PARVB: variants seen among roughly 807,000 people sequenced by gnomAD.
PARVB encodes parvin beta.
PARVB carries 46 observed loss-of-function variants against 47.0 expected under a neutral mutation model. That is an observed-to-expected ratio of 0.98 (90% confidence interval 0.77 to 1.25). The LOEUF is 1.25. PARVB is among the 50% of genes most tolerant of loss of function. The probability of loss-of-function intolerance (pLI) is 0.00; values close to 1 mark genes in which losing one functional copy is unlikely to be tolerated. For missense variants in PARVB, 473 were observed against 471.6 expected (o/e 1.00, Z -0.03); for synonymous variants, 196 against 196.3 (o/e 1.00, Z 0.01).
At chr22:44,164,408 G>GT (rs1433676453) in intron 12 of PARVB, among the ~76,000 whole-genome samples, 1 of 43,286 alleles carries the variant, frequency 2.3e-5, no homozygotes, top group Non-Finnish European at 4.0e-5. Context: ...TTGCTTCCCT[G>GT]TCCCCCCCCC....
chr22:44,017,100 C>T (rs1170750894), intron 2 of PARVB, among the ~76,000 whole-genome samples: 3 of 152,144 alleles, frequency 2.0e-5, no homozygotes, highest in African/African-American at 7.2e-5. Flanking sequence ...GTCTCGAACT[C>T]CTGACCTCTG....
At chr22:44,101,420 A>AAG in intron 3 of PARVB, among the ~76,000 whole-genome samples, 1 of 145,262 alleles carries the variant, frequency 6.9e-6, no homozygotes, top group African/African-American at 2.8e-5. Flanking sequence ...AAAAAAATAA[A>AAG]AAATAAAAAA....
intron 7 of PARVB, 197 bp from the exon 8 acceptor site, chr22:44,139,926 CA>C: frequency 2.7e-6 from 1 of 370,450 alleles, no homozygotes; most frequent in Non-Finnish European, 5.0e-6. Flanking sequence ...TAATAATTCA[CA>C]CAAGCACCTC....
intron 1 of PARVB, among the ~76,000 whole-genome samples, chr22:44,029,515 C>G (rs1603425153): frequency 6.6e-6 from 1 of 152,170 alleles, no homozygotes; most frequent in Non-Finnish European, 1.5e-5. Context: ...CTAGGCCAGA[C>G]ACATAATCCC....
chr22:44,002,440 G>A (rs192941056), intron 2 of PARVB, among the ~76,000 whole-genome samples: 5 of 152,322 alleles, frequency 3.3e-5, no homozygotes, highest in East Asian at 3.9e-4. Flanking sequence ...GGGTAGTCGA[G>A]CCTATCAGTA....
intron 3 of PARVB, among the ~76,000 whole-genome samples, chr22:44,117,453 A>C (rs1454001187): frequency 6.6e-6 from 1 of 152,104 alleles, no homozygotes; most frequent in Non-Finnish European, 1.5e-5. Flanking sequence ...CTCCCAGGCC[A>C]GTGCTCTCCC....
intron 2 of PARVB, among the ~76,000 whole-genome samples, chr22:44,015,605 G>C (rs2050568152): frequency 6.6e-6 from 1 of 152,188 alleles, no homozygotes; most frequent in African/African-American, 2.4e-5. Context: ...GATCACCTGA[G>C]GTCAGGAGTT....
At chr22:44,019,009 C>G (rs1485025294) in intron 2 of PARVB, among the ~76,000 whole-genome samples, 3 of 152,028 alleles carry the variant, frequency 2.0e-5, no homozygotes, top group East Asian at 3.9e-4. Flanking sequence ...CCTCCACCTC[C>G]AGGTTCAAGC....
chr22:44,003,889 T>C (rs2050437439), intron 2 of PARVB, among the ~76,000 whole-genome samples: 3 of 152,200 alleles, frequency 2.0e-5, no homozygotes, highest in Admixed American at 2.0e-4. Flanking sequence ...TTACCTCCGA[T>C]GTCCCCTTCC....
intron 3 of PARVB, among the ~76,000 whole-genome samples, chr22:44,101,416 ATAAAAAAT>A (rs1323247923): frequency 0.019 from 2,700 of 144,232 alleles, 109 homozygotes; most frequent in African/African-American, 0.074. Context: ...TCAAAAAAAA[ATAAAAAAT>A]AAAAAATAAA....
In PARVB at chr22:44,131,466, C is replaced by A; in HGVS notation, c.377-21C>A. 6 of 1,612,292 alleles carry A rather than the reference C, an allele frequency of 3.7e-6. No homozygotes were observed. In the South Asian group the frequency reaches 6.6e-5, roughly 18 times the overall value. On this transcript the variant is annotated intron_variant, in intron 4 of 12. Coordinates refer to ENST00000338758, the MANE Select transcript of PARVB (RefSeq NM_013327.5). The stretch of plus-strand genomic sequence containing the variant: ...CCTTCCAGCTTTTTCTGACCCTCTT[C>A]TCTTGTGCTTCTCATTGCAGAAAAA...
intron 2 of PARVB, among the ~76,000 whole-genome samples, chr22:44,014,496 TAAG>T (rs1014178708): frequency 5.3e-5 from 8 of 152,202 alleles, no homozygotes; most frequent in Admixed American, 4.6e-4. Flanking sequence ...GGGAGCATAT[TAAG>T]AAGCAAAGAC....
intron 5 of PARVB, 70 bp from the exon 6 acceptor site, chr22:44,132,824 C>A: frequency 1.0e-6 from 1 of 976,992 alleles, no homozygotes; most frequent in Non-Finnish European, 1.6e-6. Context: ...TCTCTGTTGC[C>A]TTCTGCACGT....
intron 1 of PARVB, among the ~76,000 whole-genome samples, chr22:44,073,110 A>C (rs1223321771): frequency 6.6e-6 from 1 of 152,254 alleles, no homozygotes; most frequent in Non-Finnish European, 1.5e-5. Context: ...TGAGTGAATG[A>C]ACAAATGCAA....
chr22:44,036,813 A>C (rs6006630), intron 1 of PARVB, among the ~76,000 whole-genome samples: 5 of 151,430 alleles, frequency 3.3e-5, no homozygotes, highest in Non-Finnish European at 7.4e-5. Flanking sequence ...ATTAAAAATT[A>C]AAAAAAAAAT....
chr22:44,036,964 A>G (rs954346405), intron 1 of PARVB, among the ~76,000 whole-genome samples: 1 of 151,932 alleles, frequency 6.6e-6, no homozygotes, highest in Non-Finnish European at 1.5e-5. Context: ...CAGCTGTGTG[A>G]CAGAGTGAGG....
chr22:44,132,074 A>G (rs1244060032), intron 5 of PARVB, among the ~76,000 whole-genome samples: 1 of 152,184 alleles, frequency 6.6e-6, no homozygotes, highest in Non-Finnish European at 1.5e-5. Flanking sequence ...GAAAGACTAA[A>G]CCAGGAGAAG....
At chr22:44,134,233 C>T (rs2053392467) in intron 6 of PARVB, among the ~76,000 whole-genome samples, 1 of 152,204 alleles carries the variant, frequency 6.6e-6, no homozygotes, top group Non-Finnish European at 1.5e-5. Flanking sequence ...GCAAGGGCCA[C>T]CTGCCATGTG....
intron 2 of PARVB, among the ~76,000 whole-genome samples, chr22:44,003,601 C>T (rs904118658): frequency 2.0e-5 from 3 of 152,194 alleles, no homozygotes; most frequent in African/African-American, 7.2e-5. Flanking sequence ...TCCATTCCCA[C>T]ACTCCCAGGC....
Sources: allele counts gnomAD v4.1 joint callset (sites outside exome capture counted in the v4.1 genomes callset), GRCh38; gene constraint gnomAD v4.1.1; transcripts MANE v1.5; gene names NCBI Gene and HGNC (gene_info 2026-07-23, HGNC 2026-07-21).